BCL2L13: variants seen among roughly 807,000 people sequenced by gnomAD.
The protein encoded by BCL2L13 is BCL2 like 13.
In BCL2L13, 13 loss-of-function variants were observed where a neutral mutation model predicts 25.8. That is an observed-to-expected ratio of 0.50 (90% confidence interval 0.33 to 0.80). The LOEUF (loss-of-function observed/expected upper bound fraction) is 0.80. Ranked by LOEUF, BCL2L13 falls within the 30% of genes least tolerant of loss-of-function variation. BCL2L13 has a pLI of 0.02. For synonymous variants in BCL2L13, 244 were observed against 230.3 expected (o/e 1.06, Z -0.54); for missense variants, 504 against 574.9 (o/e 0.88, Z 1.26).
intron 5 of BCL2L13, 138 bp from the exon 6 acceptor site, chr22:17,702,105 C>A: frequency 1.5e-6 from 1 of 670,480 alleles, no homozygotes; most frequent in Non-Finnish European, 2.4e-6. Context: ...ATAGAAGTTA[C>A]TGTTTTATTT....
At chr22:17,706,973 A>G (rs948323956) in intron 6 of BCL2L13, 2 of 562,230 alleles carry the variant, frequency 3.6e-6, no homozygotes, top group Non-Finnish European at 5.3e-6. Flanking sequence ...AATCTTTGTC[A>G]TTTTCTCTTG....
intron 2 of BCL2L13, among the ~76,000 whole-genome samples, chr22:17,672,475 T>C (rs562275309): frequency 6.6e-6 from 1 of 152,364 alleles, no homozygotes; most frequent in East Asian, 1.9e-4. Context: ...TGGGACTTAG[T>C]GTGCTAAAGT....
At chr22:17,700,646 G>A (rs578100074) in intron 5 of BCL2L13, among the ~76,000 whole-genome samples, 1 of 152,236 alleles carries the variant, frequency 6.6e-6, no homozygotes, top group South Asian at 2.1e-4. Flanking sequence ...TTTTTTGTTT[G>A]TTTGTTTAAT....
chr22:17,648,583 T>G (rs2058573551), intron 1 of BCL2L13, among the ~76,000 whole-genome samples: 3 of 152,096 alleles, frequency 2.0e-5, no homozygotes, highest in Non-Finnish European at 4.4e-5. Flanking sequence ...TTTTATACTG[T>G]AGGTCTGTTA....
At chr22:17,665,374 A>G (rs930333469) in intron 2 of BCL2L13, among the ~76,000 whole-genome samples, 5 of 152,192 alleles carry the variant, frequency 3.3e-5, no homozygotes, top group Non-Finnish European at 7.3e-5. Context: ...ATAAGTCTCT[A>G]GGAAGTTCCA....
At chr22:17,660,220 T>C (rs1339754223) in intron 2 of BCL2L13, among the ~76,000 whole-genome samples, 1 of 146,706 alleles carries the variant, frequency 6.8e-6, no homozygotes, top group Admixed American at 6.8e-5. Context: ...TGGAAAATAC[T>C]GTTTTTTTAA....
At chr22:17,667,813 G>C (rs1299178264) in intron 2 of BCL2L13, among the ~76,000 whole-genome samples, 1 of 151,654 alleles carries the variant, frequency 6.6e-6, no homozygotes, top group East Asian at 2.0e-4. Flanking sequence ...GCAGTTGTAA[G>C]AATTCTTTAT....
upstream of BCL2L13, among the ~76,000 whole-genome samples, chr22:17,633,972 A>C (rs930414258): frequency 1.3e-5 from 2 of 151,376 alleles, no homozygotes; most frequent in Non-Finnish European, 2.9e-5. Context: ...TTTGCACACC[A>C]CCTCAAAGCT....
chr22:17,717,812 C>T (rs949360444), intron 6 of BCL2L13, among the ~76,000 whole-genome samples: 3 of 151,966 alleles, frequency 2.0e-5, no homozygotes, highest in East Asian at 1.9e-4. Flanking sequence ...TGAGGCCAGG[C>T]GTGGTGGCTC....
At chr22:17,668,692 C>T (rs1462043756) in intron 2 of BCL2L13, among the ~76,000 whole-genome samples, 1 of 151,892 alleles carries the variant, frequency 6.6e-6, no homozygotes, top group Non-Finnish European at 1.5e-5. Context: ...GTCTCGAACT[C>T]CTGACCTCGT....
chr22:17,648,177 A>G (rs946944157), intron 1 of BCL2L13, among the ~76,000 whole-genome samples: 5 of 152,052 alleles, frequency 3.3e-5, no homozygotes, highest in Admixed American at 3.3e-4. Context: ...TAGACACTGC[A>G]GAATGTTGCA....
At chr22:17,662,030 C>T (rs548804922) in intron 2 of BCL2L13, among the ~76,000 whole-genome samples, 5 of 151,582 alleles carry the variant, frequency 3.3e-5, no homozygotes, top group Middle Eastern at 3.4e-3. Flanking sequence ...TTAAAATTTA[C>T]AGTATAATTG....
intron 1 of BCL2L13, among the ~76,000 whole-genome samples, chr22:17,653,464 T>C (rs908485072): frequency 1.1e-4 from 17 of 151,882 alleles, no homozygotes; most frequent in African/African-American, 3.9e-4. Flanking sequence ...CGTCTACTCT[T>C]CAGTCTGTCT....
chr22:17,707,503 T>G (rs2060624923), intron 6 of BCL2L13, among the ~76,000 whole-genome samples: 1 of 152,204 alleles, frequency 6.6e-6, no homozygotes, highest in Admixed American at 6.5e-5. Context: ...TTTGTGTCAG[T>G]GGAGCCAAAG....
intron 3 of BCL2L13, 112 bp downstream of exon 3, chr22:17,683,433 C>G (rs1416264945): frequency 6.6e-6 from 4 of 609,536 alleles, no homozygotes; most frequent in Non-Finnish European, 1.1e-5. Flanking sequence ...ACAACTTACA[C>G]CAATTATACA....
At chr22:17,696,852 T>C (rs891868037) in intron 5 of BCL2L13, among the ~76,000 whole-genome samples, 29 of 152,138 alleles carry the variant, frequency 1.9e-4, no homozygotes, top group African/African-American at 7.0e-4. Context: ...TCTTAGACTG[T>C]ATTATTTACT....
rs2061370211 is a variant in BCL2L13 at position 17,729,625 on chromosome 22, G to A, written c.*2091G>A. The A allele has an allele frequency of 6.6e-6, 1 of 152,244 alleles. No individual in the cohort carries two copies. The highest frequency in any genetic ancestry group is 6.5e-5 in the Admixed American group (1 of 15,284). 9.4% of individuals were successfully genotyped at this position (152,244 alleles called of 1,614,324 possible). A position where few individuals can be genotyped will look rare whatever the true frequency, so the allele number is the denominator to read the frequency against. ...TCTCTGAGCTGCTGAAAGGAGGTGTGAGGCTTAGGAAATTGGAGCCTGTGT... is the reference window on the plus strand; with the variant it reads ...TCTCTGAGCTGCTGAAAGGAGGTGTAAGGCTTAGGAAATTGGAGCCTGTGT... On this transcript the variant is annotated 3_prime_UTR_variant, in exon 7 of 7. Transcript: ENST00000317582.
chr22:17,703,636 T>C (rs994459455), intron 6 of BCL2L13: 2 of 152,234 alleles, frequency 1.3e-5, no homozygotes, highest in African/African-American at 2.4e-5. Context: ...TTTTAAAATA[T>C]GTAAATTTAA....
chr22:17,707,750 T>C (rs1392359643), intron 6 of BCL2L13, among the ~76,000 whole-genome samples: 10 of 152,154 alleles, frequency 6.6e-5, no homozygotes. Context: ...GTAGATGGGC[T>C]TTGGAATTTT....
Sources: allele counts gnomAD v4.1 joint callset (sites outside exome capture counted in the v4.1 genomes callset), GRCh38; gene constraint gnomAD v4.1.1; transcripts MANE v1.5; gene names NCBI Gene and HGNC (gene_info 2026-07-23, HGNC 2026-07-21).